The following PCTP variants were observed in gnomAD, a reference collection of about 807,000 sequenced individuals.
The protein encoded by PCTP is START domain-containing protein 2.
In PCTP, 27 loss-of-function variants were observed where a neutral mutation model predicts 31.0. The ratio of observed to expected loss-of-function variants is 0.87; its 90% CI spans 0.64 to 1.20. The LOEUF (loss-of-function observed/expected upper bound fraction) is 1.20, where lower values mean the gene tolerates loss of function less well. Among genes scored for constraint, PCTP ranks in the 50% most tolerant of loss-of-function variants. The pLI, the probability that PCTP is intolerant of heterozygous loss-of-function variation, is 0.00. For missense variants in PCTP, 287 were observed against 268.2 expected, an observed-to-expected ratio of 1.07 and a Z score of -0.49; for synonymous variants, 108 against 101.2, an observed-to-expected ratio of 1.07 and a Z score of -0.40.
chr17:55,761,650 G>C (rs1910348242), intron 1 of PCTP, among the ~76,000 whole-genome samples: 1 of 148,600 alleles, frequency 6.7e-6, no homozygotes, highest in Non-Finnish European at 1.5e-5. Flanking sequence ...TATTTTTTCT[G>C]AGTTAGTTAT....
intron 1 of PCTP, among the ~76,000 whole-genome samples, chr17:55,764,190 C>A (rs996963124): frequency 6.6e-6 from 1 of 152,138 alleles, no homozygotes; most frequent in African/African-American, 2.4e-5. Context: ...ATGCAGATAT[C>A]CAATGCTAAC....
intron 5 of PCTP, among the ~76,000 whole-genome samples, chr17:55,837,579 A>G (rs906786510): frequency 9.2e-5 from 14 of 152,234 alleles, no homozygotes; most frequent in Admixed American, 8.5e-4. Context: ...GCCAATTTTC[A>G]TTAGGTTTCG....
At chr17:55,772,826 A>G (rs780240004) in intron 3 of PCTP, among the ~76,000 whole-genome samples, 1 of 152,164 alleles carries the variant, frequency 6.6e-6, no homozygotes, top group Admixed American at 6.5e-5. Flanking sequence ...ATGTTTCATC[A>G]CTTCAGCTGG....
intron 3 of PCTP, among the ~76,000 whole-genome samples, chr17:55,802,330 A>T (rs1156288354): frequency 1.2e-4 from 18 of 152,232 alleles, no homozygotes; most frequent in Admixed American, 1.2e-3. Flanking sequence ...TATTCCAAAC[A>T]ATACAAAAAG....
downstream of PCTP, among the ~76,000 whole-genome samples, chr17:55,826,283 G>A (rs1418328800): frequency 1.3e-5 from 2 of 152,150 alleles, no homozygotes; most frequent in Non-Finnish European, 2.9e-5. Flanking sequence ...GAAAAGCTGG[G>A]AAGGTACAGA....
downstream of PCTP, among the ~76,000 whole-genome samples, chr17:55,827,982 A>G (rs963449103): frequency 1.3e-5 from 2 of 152,126 alleles, no homozygotes; most frequent in Non-Finnish European, 1.5e-5. Flanking sequence ...ATTTTATGCT[A>G]TTTGCGTTCA....
intron 5 of PCTP, chr17:55,775,819 C>T (rs189305761): frequency 1.9e-4 from 251 of 1,290,626 alleles, no homozygotes; most frequent in Non-Finnish European, 2.1e-4. Context: ...CATATAAGGC[C>T]TTTTTGCAAC....
At chr17:55,845,869 A>C (rs1339741728), downstream of PCTP, among the ~76,000 whole-genome samples, 3 of 142,040 alleles carry the variant, frequency 2.1e-5, no homozygotes, top group Non-Finnish European at 4.6e-5. Context: ...CTTAAGTTGG[A>C]TGGTTTGAGA....
At chr17:55,791,937 A>G (rs1424760867) in intron 3 of PCTP, among the ~76,000 whole-genome samples, 1 of 152,136 alleles carries the variant, frequency 6.6e-6, no homozygotes, top group Non-Finnish European at 1.5e-5. Flanking sequence ...CTGGCTTAGG[A>G]AAATGTGGCA....
chr17:55,835,482 C>T (rs187463657), intron 5 of PCTP, among the ~76,000 whole-genome samples: 12 of 152,314 alleles, frequency 7.9e-5, no homozygotes, highest in Admixed American at 7.2e-4. Context: ...ATTACCTCTT[C>T]TGGCCTCATC....
rs1040652667 is a variant in PCTP at position 55,776,891 on chromosome 17, A to C, written c.*791A>C. 3.5e-5 allele frequency: 35 copies of C among 992,288 alleles called. No homozygotes were observed. The highest frequency in any genetic ancestry group is 3.8e-5 in the Non-Finnish European group (32 of 834,964). 61.5% of individuals were successfully genotyped at this position (992,288 alleles called of 1,614,324 possible). A position where few individuals can be genotyped will look rare whatever the true frequency, so the allele number is the denominator to read the frequency against. ...TCTCAAGCTTTGCATTTTACTGGAA[A>C]CTGAGGCGTCAAGATGGCTGTGGCA... On this transcript the variant is annotated 3_prime_UTR_variant, in exon 6 of 6. Coordinates refer to ENST00000268896, the MANE Select transcript of PCTP (RefSeq NM_021213.4).
At chr17:55,762,731 G>C (rs1185482042) in intron 1 of PCTP, among the ~76,000 whole-genome samples, 1 of 152,082 alleles carries the variant, frequency 6.6e-6, no homozygotes, top group East Asian at 1.9e-4. Flanking sequence ...TTGGTCATAG[G>C]ATAGTTGCAG....
rs60917960 is a variant in PCTP, at chr17:55,763,444, TA to T, written c.142-3880del. 3.2e-3 allele frequency among the ~76,000 whole-genome samples: 469 copies of T among 147,128 alleles called. 1 individual carries two copies. Among genetic ancestry groups the T allele is most frequent in the African/African-American group, 8.3e-3 (336 of 40,272 alleles). ...TTTATCTGTAAGAAAACATTTGTAG[TA>T]AAAAAAAAAATAGAATTATGGACCA... On this transcript the variant is annotated intron_variant, in intron 1 of 5. Coordinates refer to ENST00000268896, the MANE Select transcript of PCTP (RefSeq NM_021213.4).
chr17:55,847,815 G>A (rs561951956), downstream of PCTP, among the ~76,000 whole-genome samples: 1 of 152,330 alleles, frequency 6.6e-6, no homozygotes, highest in African/African-American at 2.4e-5. Flanking sequence ...ATTGGATGAT[G>A]TCTATCCATA....
intron 3 of PCTP, among the ~76,000 whole-genome samples, chr17:55,795,779 T>G (rs1395789090): frequency 6.6e-6 from 1 of 152,080 alleles, no homozygotes; most frequent in Non-Finnish European, 1.5e-5. Flanking sequence ...ATAGAAATAT[T>G]ACTATTCTCA....
chr17:55,757,289 T>C (rs903679733), intron 1 of PCTP, among the ~76,000 whole-genome samples: 5 of 151,416 alleles, frequency 3.3e-5, no homozygotes, highest in African/African-American at 9.7e-5. Flanking sequence ...TGTGTGTGTG[T>C]GCATATATAT....
downstream of PCTP, among the ~76,000 whole-genome samples, chr17:55,844,868 C>A (rs968200036): frequency 2.0e-5 from 3 of 151,758 alleles, no homozygotes; most frequent in African/African-American, 7.3e-5. Context: ...GGCGGGTGAT[C>A]ACCTCAGGTC....
downstream of PCTP, among the ~76,000 whole-genome samples, chr17:55,845,270 T>G (rs1250281236): frequency 6.6e-6 from 1 of 152,076 alleles, no homozygotes; most frequent in Non-Finnish European, 1.5e-5. Flanking sequence ...CCACTTCCAG[T>G]AATGCACTTT....
downstream of PCTP, among the ~76,000 whole-genome samples, chr17:55,825,003 A>G (rs1318548470): frequency 6.6e-6 from 1 of 152,176 alleles, no homozygotes; most frequent in Non-Finnish European, 1.5e-5. Flanking sequence ...GTTCAAATAA[A>G]CTTGTTTGGG....
Sources: allele counts gnomAD v4.1 joint callset (sites outside exome capture counted in the v4.1 genomes callset), GRCh38; gene constraint gnomAD v4.1.1; transcripts MANE v1.5; gene names NCBI Gene and HGNC (gene_info 2026-07-23, HGNC 2026-07-21).